Variants in COX16 observed in about 807,000 individuals in gnomAD.
COX16 encodes cytochrome c oxidase assembly factor COX16.
Under a neutral mutation model 15.4 loss-of-function variants are expected in COX16, and 12 were observed. That is an observed-to-expected ratio of 0.78 (90% CI 0.50 to 1.26). COX16 has a LOEUF of 1.26. Among genes scored for constraint, COX16 ranks in the 50% most tolerant of loss-of-function variants. The pLI, the probability that COX16 is intolerant of heterozygous loss-of-function variation, is 0.00. For synonymous variants in COX16, 46 were observed against 41.1 expected (o/e 1.12, Z -0.46); for missense variants, 124 against 127.6 (o/e 0.97, Z 0.14).
At position 70,326,138 on chromosome 14, in the gene COX16, C is replaced by T. The variant is rs186129727; in HGVS notation, c.*195G>A. On this transcript the variant is annotated 3_prime_UTR_variant, in exon 4 of 4. Transcript: ENST00000389912. The stretch of plus-strand genomic sequence containing the variant: ...ACGTGGCCAACATTGTTACTTTCAT[C>T]CACAGATGGAATAGCTGGGAAGTAT... 2 of 342,232 alleles carry T rather than the reference C, an allele frequency of 5.8e-6. No homozygotes were observed. Among genetic ancestry groups the T allele is most frequent in the East Asian group, 4.9e-5 (1 of 20,334 alleles). 21.2% of individuals were successfully genotyped at this position (342,232 alleles called of 1,614,324 possible).
chr14:70,348,054 G>A (rs1445772742), intron 1 of COX16, among the ~76,000 whole-genome samples: 1 of 152,036 alleles, frequency 6.6e-6, no homozygotes, highest in African/African-American at 2.4e-5. Context: ...CAACGAACGT[G>A]TAGAGTTGCA....
chr14:70,327,595 C>T, intron 3 of COX16, among the ~76,000 whole-genome samples: 1 of 151,890 alleles, frequency 6.6e-6, no homozygotes, highest in Non-Finnish European at 1.5e-5. Flanking sequence ...ACTAATTTAG[C>T]ATACAAGAAG....
At chr14:70,338,401 C>T (rs191566921) in intron 2 of COX16, among the ~76,000 whole-genome samples, 1 of 152,348 alleles carries the variant, frequency 6.6e-6, no homozygotes, top group East Asian at 1.9e-4. Context: ...ATGTGAACCA[C>T]CATGCCCGGC....
At chr14:70,336,925 T>A (rs1361575639) in intron 2 of COX16, among the ~76,000 whole-genome samples, 3 of 152,224 alleles carry the variant, frequency 2.0e-5, no homozygotes, top group Non-Finnish European at 2.9e-5. Context: ...AAAATGCTAT[T>A]ACTGCAGTCT....
chr14:70,357,557 A>C (rs545373810), intron 1 of COX16, among the ~76,000 whole-genome samples: 2 of 152,240 alleles, frequency 1.3e-5, no homozygotes, highest in Non-Finnish European at 2.9e-5. Context: ...AATAAAAGGA[A>C]ACATAGTCCA....
At chr14:70,351,655 A>G (rs1383940830) in intron 1 of COX16, among the ~76,000 whole-genome samples, 1 of 152,120 alleles carries the variant, frequency 6.6e-6, no homozygotes, top group African/African-American at 2.4e-5. Context: ...TGTATTTTAG[A>G]TTAAAGTATA....
intron 1 of COX16, among the ~76,000 whole-genome samples, chr14:70,342,942 AT>A (rs1886665645): frequency 6.6e-6 from 1 of 152,194 alleles, no homozygotes. Flanking sequence ...AAATACCAAA[AT>A]CGTCACCCTA....
chr14:70,335,988 G>A (rs1056487457), intron 2 of COX16, among the ~76,000 whole-genome samples: 1 of 152,178 alleles, frequency 6.6e-6, no homozygotes, highest in Non-Finnish European at 1.5e-5. Context: ...CAGGTGTGGT[G>A]GCTCATGTCT....
At chr14:70,331,311 T>C (rs535563819) in intron 2 of COX16, among the ~76,000 whole-genome samples, 1 of 152,190 alleles carries the variant, frequency 6.6e-6, no homozygotes, top group African/African-American at 2.4e-5. Flanking sequence ...CAACCAAGTG[T>C]ATTAAACTTA....
At chr14:70,326,952 CT>C (rs1886099240) in intron 3 of COX16, among the ~76,000 whole-genome samples, 1 of 152,148 alleles carries the variant, frequency 6.6e-6, no homozygotes, top group Non-Finnish European at 1.5e-5. Context: ...AAGCAAAACA[CT>C]TTTGGGCAAC....
chr14:70,337,890 A>T (rs1475523547), intron 2 of COX16, among the ~76,000 whole-genome samples: 1 of 152,076 alleles, frequency 6.6e-6, no homozygotes, highest in Non-Finnish European at 1.5e-5. Context: ...ACACAATAGA[A>T]AATATACAAA....
At chr14:70,346,394 C>T (rs1886782854) in intron 1 of COX16, among the ~76,000 whole-genome samples, 1 of 152,236 alleles carries the variant, frequency 6.6e-6, no homozygotes, top group African/African-American at 2.4e-5. Flanking sequence ...CTCCACTTGG[C>T]ACCTTTTCAA....
chr14:70,358,677 AAT>A (rs1376731237), intron 1 of COX16, among the ~76,000 whole-genome samples: 1 of 152,204 alleles, frequency 6.6e-6, no homozygotes, highest in Non-Finnish European at 1.5e-5. Flanking sequence ...ACAAAATAAA[AAT>A]ATAGTCTGTA....
chr14:70,335,331 C>T (rs1300991581), intron 2 of COX16, among the ~76,000 whole-genome samples: 1 of 152,168 alleles, frequency 6.6e-6, no homozygotes, highest in African/African-American at 2.4e-5. Context: ...AAGTTAAACT[C>T]TACCCTAGAC....
intron 1 of COX16, among the ~76,000 whole-genome samples, chr14:70,351,521 C>T (rs1438541916): frequency 6.6e-6 from 1 of 152,186 alleles, no homozygotes; most frequent in East Asian, 1.9e-4. Context: ...ATTGCATTCA[C>T]TTCTTGATTT....
At chr14:70,329,772 T>A (rs1045229594) in intron 2 of COX16, among the ~76,000 whole-genome samples, 2 of 146,512 alleles carry the variant, frequency 1.4e-5, no homozygotes, top group Non-Finnish European at 3.0e-5. Flanking sequence ...AATGCTATAT[T>A]AACTGTATAA....
intron 2 of COX16, among the ~76,000 whole-genome samples, chr14:70,329,448 G>C (rs962044001): frequency 6.6e-6 from 1 of 151,972 alleles, no homozygotes; most frequent in East Asian, 1.9e-4. Flanking sequence ...CTGATTACTT[G>C]TTATGTGAGA....
intron 1 of COX16, among the ~76,000 whole-genome samples, chr14:70,355,611 T>C (rs941800585): frequency 6.6e-6 from 1 of 152,210 alleles, no homozygotes; most frequent in Non-Finnish European, 1.5e-5. Context: ...GGCTACTGCC[T>C]ACAAGTTAAA....
In COX16 at chr14:70,326,019, A is replaced by G. The variant is rs1886058319; in HGVS notation, c.*314T>C. ...ATATCAAAATGATGCCCTAATGGCT[A>G]TTGCAAAAGGAATATGTGGGTAGTT... On this transcript the variant is annotated 3_prime_UTR_variant, in exon 4 of 4. Transcript: ENST00000389912. The G allele has an allele frequency of 6.2e-6, 1 of 160,396 alleles. No individual in the cohort carries two copies. Among genetic ancestry groups the G allele is most frequent in the Non-Finnish European group, 1.4e-5 (1 of 73,720 alleles). 9.9% of individuals were successfully genotyped at this position (160,396 alleles called of 1,614,324 possible).
Sources: gnomAD v4.1 joint callset for allele counts (sites outside exome capture counted in the v4.1 genomes callset) on GRCh38, gnomAD v4.1.1 for gene constraint, MANE v1.5 for transcripts, NCBI Gene and HGNC (gene_info 2026-07-23, HGNC 2026-07-21) for gene names.